PRIM2: variants seen among roughly 807,000 people sequenced by gnomAD.
The protein encoded by PRIM2 is DNA primase large subunit.
A neutral mutation model predicts 67.3 loss-of-function variants in PRIM2; 39 were observed. The ratio of observed to expected loss-of-function variants is 0.58; its 90% CI spans 0.45 to 0.76. The LOEUF is 0.76. PRIM2 is among the 30% of genes least tolerant of loss of function. The pLI is 0.00. For missense variants in PRIM2, 398 were observed against 598.7 expected, an observed-to-expected ratio of 0.66 and a Z score of 3.50; for synonymous variants, 143 against 198.7, an observed-to-expected ratio of 0.72 and a Z score of 2.36.
upstream of PRIM2, among the ~76,000 whole-genome samples, chr6:57,317,449 A>C (rs1273874730): frequency 6.6e-6 from 1 of 152,182 alleles, no homozygotes; most frequent in African/African-American, 2.4e-5. Context: ...ATTTGGAAAA[A>C]AAATCCCCAA....
chr6:57,484,394 T>G lies in PRIM2; in HGVS notation c.694-22993T>G, dbSNP rs1244433428. 2.8e-3 allele frequency among the ~76,000 whole-genome samples: 428 copies of G among 152,276 alleles called. 5 individuals are homozygous for G. Among genetic ancestry groups the G allele is most frequent in the East Asian group, 6.2e-3 (32 of 5,180 alleles). On this transcript the variant is annotated intron_variant, in intron 7 of 13. Transcript: ENST00000615550. ...TCGCTTTCTTTTTTCTTCCAGAGTA[T>G]AGAATAAGAAGGCATAGACCTAAGT...
Position 57,382,087 on chromosome 6 carries a change from T to C in PRIM2, c.612T>C (p.Asp204=), listed in dbSNP as rs1769979345. Residue 204 remains aspartate, a synonymous_variant, in exon 7 of 14, where the codon GAT becomes GAC. Transcript: ENST00000615550. ...GAGGAAGGAAAGTCTATTTGGAAGA[T>C]GGCTTTGCTTACGTACCACTTAAGG... ...LFRGRKVYLE[D]GFAYVPLKDI... 1.2e-6 allele frequency: 2 copies of C among 1,613,060 alleles called. No homozygotes were observed. Among genetic ancestry groups the C allele is most frequent in the Non-Finnish European group, 8.5e-7 (1 of 1,179,474 alleles).
At chr6:57,546,924 TTAAAA>T (rs1279382790) in intron 10 of PRIM2, among the ~76,000 whole-genome samples, 10 of 152,322 alleles carry the variant, frequency 6.6e-5, no homozygotes, top group Non-Finnish European at 1.0e-4. Context: ...ATTTAAAATG[TTAAAA>T]TAAAGCTCTT....
the PRIM2 span, among the ~76,000 whole-genome samples, chr6:57,234,572 G>A: frequency 1.3e-5 from 2 of 152,064 alleles, no homozygotes; most frequent in African/African-American, 4.8e-5. Flanking sequence ...TTCCCAGGCT[G>A]GAGTGCAGTG....
At chr6:57,482,842 G>T (rs1203143458) in intron 7 of PRIM2, among the ~76,000 whole-genome samples, 2 of 152,234 alleles carry the variant, frequency 1.3e-5, no homozygotes, top group East Asian at 1.9e-4. Context: ...CAAACACAAG[G>T]ATTTTTTTGA....
the PRIM2 span, among the ~76,000 whole-genome samples, chr6:57,257,011 A>T: frequency 6.6e-6 from 1 of 152,172 alleles, no homozygotes; most frequent in Non-Finnish European, 1.5e-5. Context: ...TAATTGGCCA[A>T]ATTAATTCTG....
At chr6:57,235,861 G>A in the PRIM2 span, among the ~76,000 whole-genome samples, 2 of 152,162 alleles carry the variant, frequency 1.3e-5, no homozygotes, top group Non-Finnish European at 2.9e-5. Context: ...TTGTGCTGCT[G>A]GCTTTCAAGA....
chr6:57,390,363 A>G (rs895677451), intron 7 of PRIM2, among the ~76,000 whole-genome samples: 2 of 152,060 alleles, frequency 1.3e-5, no homozygotes, highest in Admixed American at 6.6e-5. Flanking sequence ...GCAGTTTACA[A>G]TCTGTTGTCT....
chr6:57,463,999 C>T (rs1189615969), intron 7 of PRIM2, among the ~76,000 whole-genome samples: 1 of 152,130 alleles, frequency 6.6e-6, no homozygotes, highest in Admixed American at 6.5e-5. Flanking sequence ...ACTCTCTTTG[C>T]CAGGAATGCT....
At chr6:57,457,283 C>T (rs1490738696) in intron 7 of PRIM2, among the ~76,000 whole-genome samples, 14 of 152,316 alleles carry the variant, frequency 9.2e-5, no homozygotes, top group East Asian at 5.8e-4. Flanking sequence ...TCTCCAGCTG[C>T]GTGCTGGGAG....
rs1312330805 is a variant in PRIM2, at chr6:57,483,200, G to A, written c.694-24187G>A. On this transcript the variant is annotated intron_variant, in intron 7 of 13. Coordinates refer to ENST00000615550, the MANE Select transcript of PRIM2 (RefSeq NM_000947.5). ...TGGGATTACAGGCATGAGCCACTGCGCCCGGATGATTTTTTTTTATAAGAC... is the reference window on the plus strand; with the variant it reads ...TGGGATTACAGGCATGAGCCACTGCACCCGGATGATTTTTTTTTATAAGAC... Among the ~76,000 whole-genome samples, 3 of 152,084 alleles carry A rather than the reference G, an allele frequency of 2.0e-5. No homozygotes were observed. In the South Asian group the frequency reaches 6.2e-4, roughly 32 times the overall value.
At chr6:57,300,844 A>C in the PRIM2 span, among the ~76,000 whole-genome samples, 4 of 152,084 alleles carry the variant, frequency 2.6e-5, no homozygotes, top group Admixed American at 6.6e-5. Flanking sequence ...CTTGATTCAA[A>C]AGGTTTCCCT....
At chr6:57,501,405 T>A (rs1774128760) in intron 7 of PRIM2, among the ~76,000 whole-genome samples, 1 of 152,150 alleles carries the variant, frequency 6.6e-6, no homozygotes, top group Non-Finnish European at 1.5e-5. Context: ...GTTCAAGCGA[T>A]TATCCTGCCT....
At chr6:57,568,832 T>C (rs1242895120) in intron 10 of PRIM2, among the ~76,000 whole-genome samples, 1 of 152,172 alleles carries the variant, frequency 6.6e-6, no homozygotes, top group Non-Finnish European at 1.5e-5. Context: ...GAAAATTGGA[T>C]CTAAAGGCTG....
the PRIM2 span, among the ~76,000 whole-genome samples, chr6:57,227,277 C>A: frequency 0.068 from 10,366 of 152,216 alleles, 1,242 homozygotes; most frequent in African/African-American, 0.23. Flanking sequence ...TTGTTCACCT[C>A]GCTTCAGTGA....
At chr6:57,285,302 C>T in the PRIM2 span, among the ~76,000 whole-genome samples, 4 of 152,124 alleles carry the variant, frequency 2.6e-5, no homozygotes, top group Admixed American at 2.0e-4. Context: ...GGTTCCAAAA[C>T]CTGGCAGACA....
At chr6:57,570,496 C>T (rs1775842833) in intron 10 of PRIM2, among the ~76,000 whole-genome samples, 1 of 152,166 alleles carries the variant, frequency 6.6e-6, no homozygotes, top group African/African-American at 2.4e-5. Flanking sequence ...GCTTTCTCTT[C>T]ATATCTATGA....
chr6:57,580,886 C>G (rs1418552009), intron 10 of PRIM2, among the ~76,000 whole-genome samples: 1 of 150,684 alleles, frequency 6.6e-6, no homozygotes, highest in Non-Finnish European at 1.5e-5. Context: ...TCAAAATAGG[C>G]AATACTTGAA....
chr6:57,293,816 T>G, the PRIM2 span, among the ~76,000 whole-genome samples: 2 of 133,128 alleles, frequency 1.5e-5, no homozygotes, highest in Non-Finnish European at 3.1e-5. Flanking sequence ...GTGGGGAATG[T>G]CACACACTGG....
Sources: allele counts gnomAD v4.1 joint callset (sites outside exome capture counted in the v4.1 genomes callset), GRCh38; gene constraint gnomAD v4.1.1; transcripts MANE v1.5; gene names NCBI Gene and HGNC (gene_info 2026-07-23, HGNC 2026-07-21).